RUSC2: variants seen among roughly 807,000 people sequenced by gnomAD.
The protein encoded by RUSC2 is AP-4 complex accessory subunit RUSC2.
Under a neutral mutation model 122.2 loss-of-function variants are expected in RUSC2, and 34 were observed. That is an observed-to-expected ratio of 0.28 (90% CI 0.21 to 0.37). The LOEUF is 0.37. RUSC2 is among the 10% of genes least tolerant of loss of function. RUSC2 has a pLI of 1.00. For synonymous variants in RUSC2, 784 were observed against 790.0 expected (o/e 0.99, Z 0.13); for missense variants, 1,747 against 1,952.4 (o/e 0.89, Z 1.98).
At position 35,561,501 on chromosome 9, in the gene RUSC2, CCT is replaced by C. The variant is rs1249218169; in HGVS notation, c.*120_*121del. 1.3e-6 allele frequency: 1 copy of C among 783,726 alleles called. No individual in the cohort carries two copies. Among genetic ancestry groups the C allele is most frequent in the Non-Finnish European group, 2.1e-6 (1 of 486,620 alleles). The allele number at this position is 783,726 out of a possible 1,614,324, so 48.5% of individuals were successfully genotyped here. ...AGACTGAGAGCTGGGGCCACGTATC[CCT>C]GTGCTGGCACCTGCTCCCTGTGCTC... On this transcript the variant is annotated 3_prime_UTR_variant, in exon 12 of 12. Transcript: ENST00000361226.
intron 2 of RUSC2, among the ~76,000 whole-genome samples, chr9:35,550,591 A>G (rs1466821211): frequency 1.3e-5 from 2 of 151,918 alleles, no homozygotes; most frequent in African/African-American, 4.8e-5. Flanking sequence ...ATGCCACTGC[A>G]CTCCAGCTTG....
At chr9:35,498,717 C>T (rs1375668068) in intron 1 of RUSC2, among the ~76,000 whole-genome samples, 6 of 151,106 alleles carry the variant, frequency 4.0e-5, no homozygotes, top group African/African-American at 9.7e-5. Context: ...AAAAATTAGC[C>T]GGGTGTGGTG....
intron 1 of RUSC2, among the ~76,000 whole-genome samples, chr9:35,498,544 C>G (rs959546774): frequency 1.3e-5 from 2 of 150,532 alleles, no homozygotes. Context: ...GGAGACAGAG[C>G]AAGACTCTGT....
intron 1 of RUSC2, among the ~76,000 whole-genome samples, chr9:35,544,109 C>T (rs1821696748): frequency 6.6e-6 from 1 of 152,124 alleles, no homozygotes; most frequent in Non-Finnish European, 1.5e-5. Flanking sequence ...TCATCATCAA[C>T]ATTTGCTAGT....
chr9:35,528,542 TG>T (rs1821363611), intron 1 of RUSC2, among the ~76,000 whole-genome samples: 1 of 151,516 alleles, frequency 6.6e-6, no homozygotes, highest in Admixed American at 6.6e-5. Flanking sequence ...AGTTTCGCTC[TG>T]TCACCCAGGC....
intron 1 of RUSC2, among the ~76,000 whole-genome samples, chr9:35,521,120 A>T (rs1274302269): frequency 2.6e-5 from 4 of 152,070 alleles, no homozygotes; most frequent in Non-Finnish European, 4.4e-5. Context: ...GGAATGCAGG[A>T]GGTCATTTTT....
intron 1 of RUSC2, among the ~76,000 whole-genome samples, chr9:35,492,416 A>G (rs1209920506): frequency 6.6e-6 from 1 of 152,068 alleles, no homozygotes; most frequent in Non-Finnish European, 1.5e-5. Context: ...TGTTAGGGTA[A>G]GGGCAGGCTA....
intron 1 of RUSC2, among the ~76,000 whole-genome samples, chr9:35,493,291 A>G (rs970401636): frequency 6.6e-6 from 1 of 152,102 alleles, no homozygotes; most frequent in Non-Finnish European, 1.5e-5. Flanking sequence ...AGCTCCATCT[A>G]TGTTTCTGCA....
At chr9:35,559,883 A>C (rs1822105588) in intron 9 of RUSC2, 146 bp from the exon 10 acceptor site, 1 of 668,306 alleles carries the variant, frequency 1.5e-6, no homozygotes, top group South Asian at 2.3e-5. Context: ...TGTGGGCAGC[A>C]GCGTTTATAC....
intron 1 of RUSC2, among the ~76,000 whole-genome samples, chr9:35,545,149 A>G (rs965746346): frequency 1.3e-5 from 2 of 152,230 alleles, no homozygotes; most frequent in Non-Finnish European, 2.9e-5. Context: ...CTCAGACTTT[A>G]CCACATTCCA....
intron 1 of RUSC2, among the ~76,000 whole-genome samples, chr9:35,538,077 T>C (rs1398801654): frequency 6.6e-6 from 1 of 152,180 alleles, no homozygotes; most frequent in African/African-American, 2.4e-5. Context: ...CCTGCCTTCC[T>C]TTCCCTGGGG....
chr9:35,553,781 G>C (rs1357668477), intron 2 of RUSC2, among the ~76,000 whole-genome samples: 2 of 152,194 alleles, frequency 1.3e-5, no homozygotes, highest in African/African-American at 2.4e-5. Flanking sequence ...GGTGGAGCTT[G>C]AAAGTGTCCC....
rs759822718 is a variant in RUSC2, at chr9:35,547,095, C to T, written c.574C>T (p.Arg192Trp). ...TQQCGTSHCCRPELEAETMEL... is the reference protein window; with the variant it reads ...TQQCGTSHCCWPELEAETMEL... ...GCAGTGCGGCACCAGCCACTGCTGC[C>T]GGCCAGAGCTGGAAGCAGAGACTAT... is the stretch of plus-strand genomic sequence containing the variant. The change falls in exon 2 of 12, where the codon CGG becomes TGG. Residue 192 changes from arginine (R) to tryptophan (W), a missense_variant. Transcript: ENST00000361226. The surrounding 1 kb of genome is among the most constrained non-coding windows in gnomAD (Gnocchi z 4.6). The T allele has an allele frequency of 1.9e-5, 31 of 1,613,868 alleles. No individual in the cohort carries two copies. The highest frequency in any genetic ancestry group is 4.5e-5 in the East Asian group (2 of 44,892).
intron 1 of RUSC2, among the ~76,000 whole-genome samples, chr9:35,497,996 G>A (rs896528766): frequency 1.3e-4 from 20 of 152,038 alleles, no homozygotes; most frequent in African/African-American, 4.8e-4. Context: ...TAAAAAAGCT[G>A]GTTTTTATGT....
intron 1 of RUSC2, among the ~76,000 whole-genome samples, chr9:35,494,236 C>T (rs531987182): frequency 2.6e-5 from 4 of 151,876 alleles, no homozygotes; most frequent in South Asian, 4.2e-4. Context: ...GAGGCCGAGG[C>T]GGGCGGATCA....
chr9:35,514,361 G>A (rs1214471717), intron 1 of RUSC2, among the ~76,000 whole-genome samples: 1 of 152,162 alleles, frequency 6.6e-6, no homozygotes, highest in East Asian at 1.9e-4. Flanking sequence ...CGAGTTGATA[G>A]TATGACTACA....
Position 35,555,615 on chromosome 9 carries a change from T to A in RUSC2, c.2570T>A (p.Leu857Gln). 6.2e-7 allele frequency: 1 copy of A among 1,613,054 alleles called. No homozygotes were observed. The highest frequency in any genetic ancestry group is 2.2e-5 in the East Asian group (1 of 44,880). ...RLHGTGSLPP[L>Q]GSWRSGLSRA... ...CATGGAACAGGAAGCTTGCCGCCTC[T>A]GGGCTCCTGGCGATCTGGCCTCAGC... Residue 857 changes from leucine to glutamine, a missense_variant, in exon 3 of 12, where the codon CTG becomes CAG. Leu to Gln is a moderately radical substitution (Grantham distance 113, BLOSUM62 -2). Coordinates refer to ENST00000361226, the MANE Select transcript of RUSC2 (RefSeq NM_014806.5). This position sits in a 1 kb window ranked among gnomAD's most constrained non-coding sequence, Gnocchi z 4.6.
intron 1 of RUSC2, among the ~76,000 whole-genome samples, chr9:35,495,270 ATATAT>A (rs1017471877): frequency 3.5e-5 from 4 of 115,298 alleles, no homozygotes; most frequent in African/African-American, 1.3e-4. Context: ...TATATTTTTT[ATATAT>A]TATATATATT....
chr9:35,500,076 T>A (rs1820793804), intron 1 of RUSC2, among the ~76,000 whole-genome samples: 1 of 151,824 alleles, frequency 6.6e-6, no homozygotes, highest in African/African-American at 2.4e-5. Flanking sequence ...ATAGCTAGAG[T>A]TTTTCTATAA....
Sources: gnomAD v4.1 joint callset for allele counts (sites outside exome capture counted in the v4.1 genomes callset) on GRCh38, gnomAD v4.1.1 for gene constraint, Gnocchi (gnomAD v3.1) non-coding constraint, MANE v1.5 for transcripts, NCBI Gene and HGNC (gene_info 2026-07-23, HGNC 2026-07-21) for gene names.